The following CNTN4 variants were observed in gnomAD, a reference collection of about 807,000 sequenced individuals.
CNTN4 encodes contactin-4.
Under a neutral mutation model 122.5 loss-of-function variants are expected in CNTN4, and 77 were observed. The ratio of observed to expected loss-of-function variants is 0.63; its 90% CI spans 0.52 to 0.76. The LOEUF is 0.76. Ranked by LOEUF, CNTN4 falls within the 30% of genes least tolerant of loss-of-function variation. CNTN4 has a pLI of 0.00. For missense variants in CNTN4, 1,256 were observed against 1,259.1 expected, an observed-to-expected ratio of 1.00 and a Z score of 0.04; for synonymous variants, 512 against 447.0, an observed-to-expected ratio of 1.15 and a Z score of -1.83.
At chr3:2,234,870 A>C (rs912223842) in intron 2 of CNTN4, among the ~76,000 whole-genome samples, 4 of 152,188 alleles carry the variant, frequency 2.6e-5, no homozygotes, top group African/African-American at 9.6e-5. Flanking sequence ...CACTCACAAA[A>C]GATTCAAGTT....
At chr3:2,873,060 A>G (rs1309396780) in intron 8 of CNTN4, among the ~76,000 whole-genome samples, 2 of 152,176 alleles carry the variant, frequency 1.3e-5, no homozygotes, top group Non-Finnish European at 2.9e-5. Context: ...AGCATCCTTC[A>G]GTTTCACAAC....
intron 4 of CNTN4, among the ~76,000 whole-genome samples, chr3:2,652,688 A>G (rs906990584): frequency 5.9e-5 from 9 of 152,194 alleles, no homozygotes; most frequent in African/African-American, 2.2e-4. Flanking sequence ...GCAAGGAAGT[A>G]GTAGTACAGG....
chr3:2,175,327 T>C (rs4684337), intron 2 of CNTN4, among the ~76,000 whole-genome samples: 43,816 of 151,876 alleles, frequency 0.29, 8,035 homozygotes, highest in Non-Finnish European at 0.42. Context: ...TTCCTAAACA[T>C]GGAAATCACT....
At position 2,895,756 on chromosome 3, in the gene CNTN4, T is replaced by C. The variant is rs184246471; in HGVS notation, c.941-4929T>C. ...ACTTATTAAAATCAAAAGGAGGGGC[T>C]GGGCGCAGTGGCTCACGCCTGTCAT... On this transcript the variant is annotated intron_variant, in intron 10 of 24. Transcript: ENST00000418658. 5.9e-3 allele frequency among the ~76,000 whole-genome samples: 899 copies of C among 152,278 alleles called. 5 individuals carry two copies. Among genetic ancestry groups the C allele is most frequent in the African/African-American group, 7.3e-3 (304 of 41,584 alleles).
At chr3:2,215,699 G>A (rs1338835417) in intron 2 of CNTN4, among the ~76,000 whole-genome samples, 1 of 151,840 alleles carries the variant, frequency 6.6e-6, no homozygotes. Flanking sequence ...TGGCTAACAG[G>A]GTGAAACCCC....
At chr3:2,780,299 C>T (rs1218208118) in intron 6 of CNTN4, among the ~76,000 whole-genome samples, 3 of 152,156 alleles carry the variant, frequency 2.0e-5, no homozygotes, top group East Asian at 1.9e-4. Context: ...CTGCATGGAC[C>T]TTTACAGTAT....
At chr3:2,778,854 A>G (rs2091454409) in intron 6 of CNTN4, among the ~76,000 whole-genome samples, 1 of 152,198 alleles carries the variant, frequency 6.6e-6, no homozygotes, top group African/African-American at 2.4e-5. Flanking sequence ...TCAAAAGCAA[A>G]TTACTCACAA....
intron 3 of CNTN4, among the ~76,000 whole-genome samples, chr3:2,517,222 A>G (rs1033193279): frequency 6.6e-6 from 1 of 152,184 alleles, no homozygotes; most frequent in African/African-American, 2.4e-5. Context: ...TGAAGTGGGT[A>G]TTGTGACACC....
intron 4 of CNTN4, among the ~76,000 whole-genome samples, chr3:2,719,971 A>G (rs1020856373): frequency 2.0e-5 from 3 of 152,294 alleles, no homozygotes; most frequent in Middle Eastern, 3.4e-3. Flanking sequence ...AGGATGGATC[A>G]GATATCCACA....
intron 5 of CNTN4, among the ~76,000 whole-genome samples, chr3:2,740,993 G>C (rs2089424840): frequency 1.3e-5 from 2 of 152,150 alleles, no homozygotes; most frequent in African/African-American, 4.8e-5. Flanking sequence ...ACCAGAGAAA[G>C]AAAATAACAG....
intron 6 of CNTN4, among the ~76,000 whole-genome samples, chr3:2,785,894 T>TCCCC (rs2091792666): frequency 3.8e-4 from 2 of 5,240 alleles, no homozygotes; most frequent in Non-Finnish European, 1.0e-3. Context: ...TGGCCCACGC[T>TCCCC]GCCCCCCCCC....
chr3:2,577,817 C>T (rs188640242), intron 4 of CNTN4, among the ~76,000 whole-genome samples: 44 of 152,198 alleles, frequency 2.9e-4, no homozygotes, highest in African/African-American at 6.3e-4. Flanking sequence ...TGTGAATGAG[C>T]GCAGAAATTT....
intron 3 of CNTN4, among the ~76,000 whole-genome samples, chr3:2,351,352 T>G (rs1241832693): frequency 2.0e-5 from 3 of 152,144 alleles, no homozygotes; most frequent in Non-Finnish European, 4.4e-5. Context: ...GTGGCACAGA[T>G]TCACACAAAA....
intron 6 of CNTN4, among the ~76,000 whole-genome samples, chr3:2,812,152 T>G (rs2092628698): frequency 2.0e-5 from 3 of 152,060 alleles, no homozygotes; most frequent in Admixed American, 1.3e-4. Context: ...AGGGAGAGGA[T>G]CAGGAAAAAT....
chr3:2,889,746 TTTCTGTTAACTGAAA>T (rs2094017508), intron 10 of CNTN4, among the ~76,000 whole-genome samples: 1 of 152,186 alleles, frequency 6.6e-6, no homozygotes, highest in African/African-American at 2.4e-5. Context: ...CTTTCATGAT[TTTCTGTTAACTGAAA>T]TTCCTGCTCT....
Position 3,045,296 on chromosome 3 carries a change from C to T in CNTN4, c.2811+1592C>T, listed in dbSNP as rs376796501. ...GAAGAGAATAGTGTTTCCCCCAGCA[C>T]GGAGTTTGAGATCTGAGAATGGACA... On this transcript the variant is annotated intron_variant, in intron 23 of 24. Transcript: ENST00000418658. Among the ~76,000 whole-genome samples, 158 of 152,294 alleles carry T rather than the reference C, an allele frequency of 1.0e-3. 3 individuals carry two copies. Among genetic ancestry groups the T allele is most frequent in the East Asian group, 3.1e-3 (16 of 5,168 alleles).
intron 6 of CNTN4, among the ~76,000 whole-genome samples, chr3:2,817,288 A>C (rs2092759082): frequency 6.6e-6 from 1 of 152,218 alleles, no homozygotes; most frequent in Non-Finnish European, 1.5e-5. Flanking sequence ...ATTTATGAGA[A>C]AATTAAGACC....
chr3:2,545,539 G>A (rs964620387), intron 3 of CNTN4, among the ~76,000 whole-genome samples: 1 of 151,448 alleles, frequency 6.6e-6, no homozygotes, highest in Non-Finnish European at 1.5e-5. Context: ...GAATCTAGCT[G>A]CCCTTGTCTT....
At chr3:2,166,326 AATT>A (rs2036193545) in intron 2 of CNTN4, among the ~76,000 whole-genome samples, 1 of 152,092 alleles carries the variant, frequency 6.6e-6, no homozygotes, top group Non-Finnish European at 1.5e-5. Context: ...TTTTGATAAT[AATT>A]ATTATCAAAA....
Sources: allele counts gnomAD v4.1 joint callset (sites outside exome capture counted in the v4.1 genomes callset), GRCh38; gene constraint gnomAD v4.1.1; transcripts MANE v1.5; gene names NCBI Gene and HGNC (gene_info 2026-07-23, HGNC 2026-07-21).